The following ADIPOR2 variants were observed in gnomAD, a reference collection of about 807,000 sequenced individuals.
The protein encoded by ADIPOR2 is adiponectin receptor 2.
A neutral mutation model predicts 40.9 loss-of-function variants in ADIPOR2; 18 were observed. The ratio of observed to expected loss-of-function variants is 0.44; its 90% CI spans 0.30 to 0.65. The LOEUF (loss-of-function observed/expected upper bound fraction) is 0.65, where lower values mean the gene tolerates loss of function less well. ADIPOR2 is among the 30% of genes least tolerant of loss of function. The pLI, the probability that ADIPOR2 is intolerant of heterozygous loss-of-function variation, is 0.09. For synonymous variants in ADIPOR2, 165 were observed against 166.4 expected (o/e 0.99, Z 0.06); for missense variants, 283 against 479.2 (o/e 0.59, Z 3.82).
intron 1 of ADIPOR2, among the ~76,000 whole-genome samples, chr12:1,721,964 G>T (rs147842689): frequency 5.9e-5 from 9 of 152,324 alleles, no homozygotes; most frequent in South Asian, 2.1e-4. Flanking sequence ...TTAAGGCTTT[G>T]TAAGCCAGAG....
At chr12:1,712,635 GA>G (rs1234856490) in intron 1 of ADIPOR2, among the ~76,000 whole-genome samples, 1 of 152,084 alleles carries the variant, frequency 6.6e-6, no homozygotes, top group African/African-American at 2.4e-5. Context: ...TTAAGGATTT[GA>G]AGGCTGTTTC....
chr12:1,720,487 G>C (rs2094695743), intron 1 of ADIPOR2, among the ~76,000 whole-genome samples: 1 of 152,198 alleles, frequency 6.6e-6, no homozygotes, highest in South Asian at 2.1e-4. Context: ...CCCTGAGCTT[G>C]TTCTTTCACA....
At chr12:1,708,876 C>T (rs1430714907) in intron 1 of ADIPOR2, among the ~76,000 whole-genome samples, 5 of 152,002 alleles carry the variant, frequency 3.3e-5, no homozygotes, top group Non-Finnish European at 5.9e-5. Context: ...TGCACCACCA[C>T]GCCCGGCTAA....
At chr12:1,756,737 T>C (rs1178442770) in intron 2 of ADIPOR2, among the ~76,000 whole-genome samples, 7 of 152,162 alleles carry the variant, frequency 4.6e-5, no homozygotes, top group Admixed American at 1.3e-4. Flanking sequence ...TGTTAGAATA[T>C]AGATGAGAGA....
chr12:1,740,825 ATAAT>A (rs990095699), intron 1 of ADIPOR2, among the ~76,000 whole-genome samples: 40 of 152,358 alleles, frequency 2.6e-4, no homozygotes, highest in Middle Eastern at 3.4e-3. Flanking sequence ...AGAAAGACAG[ATAAT>A]TAATAGGAAA....
At chr12:1,710,176 A>G (rs988539028) in intron 1 of ADIPOR2, among the ~76,000 whole-genome samples, 4 of 152,216 alleles carry the variant, frequency 2.6e-5, no homozygotes, top group African/African-American at 7.2e-5. Context: ...AAATGGACCA[A>G]TCAGCAGGAT....
rs922768041 is a variant in ADIPOR2, at chr12:1,776,901, A to G, written c.292-953A>G. On this transcript the variant is annotated intron_variant, in intron 3 of 7. Transcript: ENST00000357103. ...CTTTGTGTCATTTTGTTTGATCTTCATGATTTCCCTATGAAGTAACTGAAG... is the reference window on the plus strand; with the variant it reads ...CTTTGTGTCATTTTGTTTGATCTTCGTGATTTCCCTATGAAGTAACTGAAG... Among the ~76,000 whole-genome samples the G allele has an allele frequency of 2.9e-4, 44 of 152,232 alleles. 2 individuals carry two copies. Among genetic ancestry groups the G allele is most frequent in the Admixed American group, 3.3e-4 (5 of 15,290 alleles).
In ADIPOR2 at chr12:1,774,597, T is replaced by G. The variant is rs1316037016; in HGVS notation, c.291+1636T>G. Among the ~76,000 whole-genome samples the G allele has an allele frequency of 2.0e-5, 3 of 152,258 alleles. No individual in the cohort carries two copies. In the East Asian group the frequency reaches 5.8e-4, roughly 29 times the overall value. On this transcript the variant is annotated intron_variant, in intron 3 of 7. Coordinates refer to ENST00000357103, the MANE Select transcript of ADIPOR2 (RefSeq NM_024551.3). ...TGTGGATAATTTAGTCTTTAGAGTT[T>G]CCACGTTTGATCTTGGTCACTCTTT...
At chr12:1,769,917 G>T (rs1292921680) in intron 2 of ADIPOR2, among the ~76,000 whole-genome samples, 1 of 146,594 alleles carries the variant, frequency 6.8e-6, no homozygotes, top group Non-Finnish European at 1.5e-5. Context: ...CTTTACTAAA[G>T]TAATTTTTTT....
chr12:1,728,960 T>TTG (rs1555167925), intron 1 of ADIPOR2, among the ~76,000 whole-genome samples: 2 of 34,126 alleles, frequency 5.9e-5, no homozygotes, highest in East Asian at 2.4e-3. Flanking sequence ...TCTGGACTGT[T>TTG]TTTTTTTTTT....
At chr12:1,771,701 C>A (rs1274756725) in intron 2 of ADIPOR2, among the ~76,000 whole-genome samples, 1 of 152,170 alleles carries the variant, frequency 6.6e-6, no homozygotes, top group African/African-American at 2.4e-5. Flanking sequence ...TCCTTTTAAA[C>A]AAGATCAAAT....
chr12:1,774,754 G>C (rs1293449256), intron 3 of ADIPOR2, among the ~76,000 whole-genome samples: 1 of 152,222 alleles, frequency 6.6e-6, no homozygotes, highest in Non-Finnish European at 1.5e-5. Context: ...CGCTAGGCTG[G>C]AGTGCAGTGG....
At chr12:1,720,724 T>A (rs1318264457) in intron 1 of ADIPOR2, among the ~76,000 whole-genome samples, 1 of 152,190 alleles carries the variant, frequency 6.6e-6, no homozygotes, top group East Asian at 1.9e-4. Context: ...GAGGCCAGGT[T>A]CCTAACAGGC....
intron 1 of ADIPOR2, among the ~76,000 whole-genome samples, chr12:1,693,341 A>G (rs2094631269): frequency 6.6e-6 from 1 of 152,156 alleles, no homozygotes; most frequent in South Asian, 2.1e-4. Flanking sequence ...GCCGAGCTCC[A>G]TTAAAAATGA....
chr12:1,743,127 C>T, intron 1 of ADIPOR2, among the ~76,000 whole-genome samples: 1 of 150,130 alleles, frequency 6.7e-6, no homozygotes, highest in Non-Finnish European at 1.5e-5. Flanking sequence ...TGTGGTTGCT[C>T]ATGCCTGTAG....
rs142931788 is a variant in ADIPOR2 at position 1,764,285 on chromosome 12, A to G, written c.172-8557A>G. On this transcript the variant is annotated intron_variant, in intron 2 of 7. Coordinates refer to ENST00000357103, the MANE Select transcript of ADIPOR2 (RefSeq NM_024551.3). ...GTGAGGGTCATAGTTTACTTTTTTC[A>G]TAAATCAATCCAGTTAGGTATCTTT... Among the ~76,000 whole-genome samples, 520 of 152,242 alleles carry G rather than the reference A, an allele frequency of 3.4e-3. 4 individuals are homozygous for G. Among genetic ancestry groups the G allele is most frequent in the African/African-American group, 0.012 (493 of 41,552 alleles).
chr12:1,710,726 C>A (rs542408624), intron 1 of ADIPOR2, among the ~76,000 whole-genome samples: 1 of 151,994 alleles, frequency 6.6e-6, no homozygotes, highest in Non-Finnish European at 1.5e-5. Context: ...GGGGTCCCAA[C>A]AAAAAGTTGG....
At chr12:1,773,516 C>CT (rs34995304) in intron 3 of ADIPOR2, among the ~76,000 whole-genome samples, 17,397 of 123,592 alleles carry the variant, frequency 0.14, 1,431 homozygotes, top group East Asian at 0.22. Flanking sequence ...TTATGGGATT[C>CT]TTTTTTTTTT....
intron 2 of ADIPOR2, chr12:1,757,553 A>G (rs1862163733): frequency 1.1e-6 from 1 of 884,044 alleles, no homozygotes; most frequent in Non-Finnish European, 1.9e-6. Flanking sequence ...GAATGGTATC[A>G]TTCACCTTGA....
Sources: allele counts gnomAD v4.1 joint callset (sites outside exome capture counted in the v4.1 genomes callset), GRCh38; gene constraint gnomAD v4.1.1; transcripts MANE v1.5; gene names NCBI Gene and HGNC (gene_info 2026-07-23, HGNC 2026-07-21).